Variants in STRN3 observed in about 807,000 individuals in gnomAD.
STRN3 encodes striatin 3.
STRN3 carries 29 observed loss-of-function variants against 95.6 expected under a neutral mutation model. The ratio of observed to expected loss-of-function variants is 0.30; its 90% confidence interval spans 0.23 to 0.41. STRN3 has a LOEUF of 0.41. STRN3 is among the 10% of genes least tolerant of loss of function. The probability of loss-of-function intolerance (pLI) is 1.00; values close to 1 mark genes in which losing one functional copy is unlikely to be tolerated. For missense variants in STRN3, 890 were observed against 972.1 expected (o/e 0.92, Z 1.12); for synonymous variants, 331 against 357.6 (o/e 0.93, Z 0.84).
rs56227331 is a variant in STRN3 at position 30,960,868 on chromosome 14, C to CAAA, written c.283-4629_283-4627dup. 3.6e-3 allele frequency among the ~76,000 whole-genome samples: 170 copies of CAAA among 46,926 alleles called. 3 individuals carry two copies. The highest frequency in any genetic ancestry group is 0.019 in the East Asian group (40 of 2,106). The allele number at this position is 46,926 out of a possible 152,430, so 30.8% of individuals were successfully genotyped here. A position where few individuals can be genotyped will look rare whatever the true frequency, so the allele number is the denominator to read the frequency against. ...TGGGCCACAGAGTGAGACTCCATCT[C>CAAA]AAAAAAAAAAAAAAAAAAAAAATAG... is the stretch of plus-strand genomic sequence containing the variant. On this transcript the variant is annotated intron_variant, in intron 1 of 17. Coordinates refer to ENST00000357479, the MANE Select transcript of STRN3 (RefSeq NM_001083893.2).
At chr14:30,982,878 A>G (rs1240979144) in intron 1 of STRN3, among the ~76,000 whole-genome samples, 1 of 152,100 alleles carries the variant, frequency 6.6e-6, no homozygotes, top group Non-Finnish European at 1.5e-5. Flanking sequence ...TGATGAGATC[A>G]TTGGGACCCC....
At chr14:30,974,617 A>AAC (rs1404315221) in intron 1 of STRN3, among the ~76,000 whole-genome samples, 114 of 151,840 alleles carry the variant, frequency 7.5e-4, no homozygotes, top group African/African-American at 2.6e-3. Context: ...CAAAAAAAAA[A>AAC]AAAAAACCTT....
chr14:30,929,990 A>T (rs961756357), intron 7 of STRN3, among the ~76,000 whole-genome samples: 1 of 147,882 alleles, frequency 6.8e-6, no homozygotes, highest in Non-Finnish European at 1.5e-5. Context: ...CTCAAATTCC[A>T]CTGAAGAATT....
rs34613702 is a variant in STRN3, at chr14:30,974,607, C to CAAAA, written c.283-18369_283-18366dup. On this transcript the variant is annotated intron_variant, in intron 1 of 17. Coordinates refer to ENST00000357479, the MANE Select transcript of STRN3 (RefSeq NM_001083893.2). ...CAAGGAACCCCAAATAGCATAACTA[C>CAAAA]AAAAAAAAAAAAAAAACCTTGAAAA... 4.3e-3 allele frequency among the ~76,000 whole-genome samples: 523 copies of CAAAA among 120,646 alleles called. 3 individuals are homozygous for CAAAA. Among genetic ancestry groups the CAAAA allele is most frequent in the African/African-American group, 0.015 (470 of 30,630 alleles). The allele number at this position is 120,646 out of a possible 152,430, so 79.1% of individuals were successfully genotyped here.
chr14:30,980,502 G>A (rs1276591013), intron 1 of STRN3, among the ~76,000 whole-genome samples: 1 of 151,784 alleles, frequency 6.6e-6, no homozygotes, highest in Non-Finnish European at 1.5e-5. Flanking sequence ...CTGCCTCCCG[G>A]GTTCAAGCTG....
intron 8 of STRN3, among the ~76,000 whole-genome samples, chr14:30,925,558 A>G (rs913667520): frequency 2.0e-5 from 3 of 152,198 alleles, no homozygotes; most frequent in African/African-American, 7.2e-5. Flanking sequence ...AAGAAAAAAA[A>G]TCAAGGTTGG....
Position 30,902,551 on chromosome 14 carries a change from A to G in STRN3, c.2122T>C (p.Phe708Leu). The G allele has an allele frequency of 1.3e-6, 2 of 1,598,592 alleles. No homozygotes were observed. Among genetic ancestry groups the G allele is most frequent in the Non-Finnish European group, 1.7e-6 (2 of 1,174,270 alleles). The change falls in exon 16 of 18, where the codon TTT becomes CTT. Residue 708 changes from phenylalanine (F) to leucine (L), a missense_variant. Physicochemically the swap from Phe to Leu is conservative, Grantham distance 22 (BLOSUM62 0). Coordinates refer to ENST00000357479, the MANE Select transcript of STRN3 (RefSeq NM_001083893.2). ...TAHEDRHIKF[F>L]DNKTGKMIHS... ...ATTTGCTTACCCGTTTTATTGTCAA[A>G]AAATTTGATGTGTCTATCTTCATGA...
At chr14:31,019,373 G>A (rs1883394737) in intron 1 of STRN3, among the ~76,000 whole-genome samples, 1 of 152,046 alleles carries the variant, frequency 6.6e-6, no homozygotes, top group Admixed American at 6.6e-5. Context: ...TAGAAGTACA[G>A]GTAAAACAAG....
chr14:30,900,303 G>A (rs1308773089), intron 16 of STRN3, among the ~76,000 whole-genome samples: 1 of 150,078 alleles, frequency 6.7e-6, no homozygotes, highest in Non-Finnish European at 1.5e-5. Flanking sequence ...AGGTTGCAGT[G>A]AGCCGTGATC....
rs1555324792 is a variant in STRN3, at chr14:30,990,006, T to TGAAATGGGACAGAACAAGA, written c.283-33765_283-33764insTCTTGTTCTGTCCCATTTC. 4.8e-4 allele frequency among the ~76,000 whole-genome samples: 72 copies of TGAAATGGGACAGAACAAGA among 150,236 alleles called. No homozygotes were observed. The Middle Eastern group carries it at 0.02, about 43-fold the overall frequency. On this transcript the variant is annotated intron_variant, in intron 1 of 17. Transcript: ENST00000357479. ...TGTGTGTCATTTCAATTCAGAAATG[T>TGAAATGGGACAGAACAAGA]GGAATGGGACAGAACAAGAGGCTAT...
chr14:30,917,611 A>G (rs1195485550), intron 9 of STRN3, among the ~76,000 whole-genome samples: 1 of 151,964 alleles, frequency 6.6e-6, no homozygotes, highest in African/African-American at 2.4e-5. Context: ...AAAGTAAAAC[A>G]GGAATATATC....
chr14:30,996,003 C>T (rs74973405), intron 1 of STRN3, among the ~76,000 whole-genome samples: 1,813 of 152,302 alleles, frequency 0.012, 37 homozygotes, highest in African/African-American at 0.042. Flanking sequence ...TAGGACAATT[C>T]TGAGGGCTAT....
intron 1 of STRN3, among the ~76,000 whole-genome samples, chr14:31,008,736 T>C (rs1882831053): frequency 6.6e-6 from 1 of 152,020 alleles, no homozygotes; most frequent in Non-Finnish European, 1.5e-5. Context: ...GTACATATTC[T>C]TTCAGCAGAA....
At chr14:30,978,384 C>T (rs1024719939) in intron 1 of STRN3, among the ~76,000 whole-genome samples, 1 of 152,048 alleles carries the variant, frequency 6.6e-6, no homozygotes, top group East Asian at 1.9e-4. Context: ...GAAGAAATAT[C>T]AATAGATACA....
At position 31,025,967 on chromosome 14, in the gene STRN3, C is replaced by A; in HGVS notation, c.219G>T (p.Gln73His). 1 of 1,587,234 alleles carries A rather than the reference C, an allele frequency of 6.3e-7. No individual in the cohort carries two copies. Among genetic ancestry groups the A allele is most frequent in the South Asian group, 1.1e-5 (1 of 87,522 alleles). Residue 73 changes from glutamine to histidine, a missense_variant, in exon 1 of 18, where the codon CAG (glutamine) becomes CAT (histidine). Gln to His is a conservative substitution (Grantham distance 24). Transcript: ENST00000357479. ...YTIPGILHYI[Q>H]HEWARFEMER... is the part of the protein sequence containing the mutation. ...CCATCTCGAACCGAGCCCACTCGTGCTGGATGTAGTGCAGTATCCCCGGGA... is the reference window on the plus strand; with the variant it reads ...CCATCTCGAACCGAGCCCACTCGTGATGGATGTAGTGCAGTATCCCCGGGA...
intron 1 of STRN3, among the ~76,000 whole-genome samples, chr14:31,024,936 G>T (rs1205655141): frequency 1.3e-5 from 2 of 152,178 alleles, no homozygotes. Flanking sequence ...TTGAGATCCA[G>T]GACATGAGCT....
intron 15 of STRN3, among the ~76,000 whole-genome samples, chr14:30,903,776 T>C (rs1896388392): frequency 6.6e-6 from 1 of 152,126 alleles, no homozygotes; most frequent in African/African-American, 2.4e-5. Context: ...ATCCAACTGG[T>C]GGTGTAACTA....
chr14:30,948,050 G>C (rs1292195214), intron 4 of STRN3, among the ~76,000 whole-genome samples: 2 of 147,148 alleles, frequency 1.4e-5, no homozygotes, highest in Admixed American at 1.3e-4. Context: ...AAAAATGGAG[G>C]AGAATAAATG....
chr14:30,909,612 G>A (rs1208256330), intron 13 of STRN3, among the ~76,000 whole-genome samples: 1 of 152,040 alleles, frequency 6.6e-6, no homozygotes, highest in Non-Finnish European at 1.5e-5. Context: ...CGAGTGTCTG[G>A]GACTATAGGC....
Sources: allele counts gnomAD v4.1 joint callset (sites outside exome capture counted in the v4.1 genomes callset), GRCh38; gene constraint gnomAD v4.1.1; transcripts MANE v1.5; gene names NCBI Gene and HGNC (gene_info 2026-07-23, HGNC 2026-07-21).